The following RBFOX1 variants were observed in gnomAD, a reference collection of about 807,000 sequenced individuals.
RBFOX1 encodes the protein RNA binding fox-1 homolog 1.
RBFOX1 carries 8 observed loss-of-function variants against 57.7 expected under a neutral mutation model. That is an observed-to-expected ratio of 0.14 (90% CI 0.08 to 0.25). RBFOX1 has a LOEUF of 0.25. Ranked by LOEUF, RBFOX1 falls within the 10% of genes least tolerant of loss-of-function variation. The pLI is 1.00. For missense variants in RBFOX1, 611 were observed against 548.5 expected (o/e 1.11, Z -1.14); for synonymous variants, 326 against 222.4 (o/e 1.47, Z -4.15).
At chr16:7,167,940 G>A (rs1181348727) in intron 4 of RBFOX1, among the ~76,000 whole-genome samples, 1 of 152,146 alleles carries the variant, frequency 6.6e-6, no homozygotes, top group East Asian at 1.9e-4. Context: ...TGCGGGGTAG[G>A]GGATGTTTGT....
chr16:6,217,827 G>T (rs1035398053), intron 1 of RBFOX1, among the ~76,000 whole-genome samples: 1 of 152,096 alleles, frequency 6.6e-6, no homozygotes, highest in Admixed American at 6.5e-5. Context: ...CCAGCCGGGC[G>T]AACATGGCAA....
chr16:6,826,042 T>G (rs2092090160), intron 3 of RBFOX1, among the ~76,000 whole-genome samples: 1 of 152,076 alleles, frequency 6.6e-6, no homozygotes, highest in South Asian at 2.1e-4. Context: ...TGTGCAGAGG[T>G]GGTCCACGTT....
chr16:6,901,776 G>A (rs75721465), intron 3 of RBFOX1, among the ~76,000 whole-genome samples: 3,650 of 152,222 alleles, frequency 0.024, 139 homozygotes, highest in East Asian at 0.12. Flanking sequence ...ACTCATAGAT[G>A]AGATGGATTG....
intron 4 of RBFOX1, among the ~76,000 whole-genome samples, chr16:7,402,630 A>G (rs1307510530): frequency 2.0e-5 from 3 of 152,164 alleles, no homozygotes; most frequent in East Asian, 1.9e-4. Context: ...GTGGCTTTCA[A>G]TGCTAAGTAT....
At chr16:7,273,252 T>TC (rs2095372612) in intron 4 of RBFOX1, among the ~76,000 whole-genome samples, 1 of 96,494 alleles carries the variant, frequency 1.0e-5, no homozygotes. Flanking sequence ...CTTCCTTCCT[T>TC]CCTTCCTTCC....
At chr16:7,606,600 G>T (rs189050441) in intron 9 of RBFOX1, among the ~76,000 whole-genome samples, 24 of 152,224 alleles carry the variant, frequency 1.6e-4, no homozygotes, top group Middle Eastern at 3.4e-3. Context: ...TTTCTAAAGG[G>T]TCAGGATTCA....
chr16:5,694,909 G>C (rs1180065145), intron 3 of RBFOX1, among the ~76,000 whole-genome samples: 1 of 151,850 alleles, frequency 6.6e-6, no homozygotes, highest in East Asian at 2.0e-4. Context: ...GAACAGTTTA[G>C]ATATAAGATG....
chr16:7,560,030 G>A (rs2089933528), intron 5 of RBFOX1, among the ~76,000 whole-genome samples: 1 of 152,210 alleles, frequency 6.6e-6, no homozygotes, highest in Non-Finnish European at 1.5e-5. Flanking sequence ...TATCTTGAGT[G>A]CATAGGAGTA....
chr16:7,075,901 A>G (rs963967252), intron 4 of RBFOX1, among the ~76,000 whole-genome samples: 2 of 151,634 alleles, frequency 1.3e-5, no homozygotes, highest in East Asian at 2.0e-4. Context: ...TTCAACATGT[A>G]AACAATTTCC....
chr16:6,855,586 G>C (rs910918451), intron 3 of RBFOX1, among the ~76,000 whole-genome samples: 2 of 150,702 alleles, frequency 1.3e-5, no homozygotes, highest in Non-Finnish European at 2.9e-5. Context: ...CCGAGAGGTG[G>C]AGCTTGCAGT....
At position 6,813,850 on chromosome 16, in the gene RBFOX1, G is replaced by C. The variant is rs573554929; in HGVS notation, c.-16+159200G>C. 1.4e-4 allele frequency among the ~76,000 whole-genome samples: 21 copies of C among 152,102 alleles called. No homozygotes were observed. The East Asian group carries it at 4.1e-3, about 30-fold the overall frequency. On this transcript the variant is annotated intron_variant, in intron 3 of 15. Transcript: ENST00000550418. ...GCTGTTGATACCCCCAACCCCTCTG[G>C]CTTCCATCTGAGCTCAGCCAGCCCC...
intron 2 of RBFOX1, among the ~76,000 whole-genome samples, chr16:6,447,250 G>A (rs779067277): frequency 2.0e-5 from 3 of 152,122 alleles, no homozygotes; most frequent in Non-Finnish European, 4.4e-5. Flanking sequence ...GAGTCTGCCA[G>A]AAAGGCCTAG....
intron 4 of RBFOX1, among the ~76,000 whole-genome samples, chr16:7,207,309 T>C (rs959086675): frequency 2.0e-5 from 3 of 152,228 alleles, no homozygotes; most frequent in Non-Finnish European, 2.9e-5. Context: ...TGGTGAGTCA[T>C]GCATGTTTCT....
chr16:5,838,809 A>G (rs1190720557), intron 3 of RBFOX1: 1 of 152,242 alleles, frequency 6.6e-6, no homozygotes, highest in Non-Finnish European at 1.5e-5. Context: ...TAGTTGTTAC[A>G]GTTAACGTGA....
intron 4 of RBFOX1, among the ~76,000 whole-genome samples, chr16:7,465,746 C>T (rs1039118409): frequency 6.6e-6 from 1 of 152,120 alleles, no homozygotes; most frequent in African/African-American, 2.4e-5. Flanking sequence ...CCTCTTCAAG[C>T]CGATGAATCA....
chr16:6,622,063 TTA>T (rs1210862577), intron 2 of RBFOX1, among the ~76,000 whole-genome samples: 1 of 152,164 alleles, frequency 6.6e-6, no homozygotes, highest in Non-Finnish European at 1.5e-5. Context: ...GAGTTGGTGT[TTA>T]TGTGGAAAGG....
intron 4 of RBFOX1, among the ~76,000 whole-genome samples, chr16:7,138,054 A>G (rs2072543450): frequency 6.6e-6 from 1 of 152,208 alleles, no homozygotes; most frequent in Non-Finnish European, 1.5e-5. Context: ...TTTAGTCACC[A>G]TCTTAAGAAT....
intron 1 of RBFOX1, among the ~76,000 whole-genome samples, chr16:5,242,755 A>G (rs1000800418): frequency 1.8e-4 from 28 of 152,092 alleles, no homozygotes; most frequent in African/African-American, 6.5e-4. Context: ...GATGCTTTTA[A>G]GGATAAAATG....
At chr16:5,515,811 A>G (rs1252585545) in intron 2 of RBFOX1, among the ~76,000 whole-genome samples, 1 of 152,210 alleles carries the variant, frequency 6.6e-6, no homozygotes, top group Admixed American at 6.5e-5. Flanking sequence ...AGAGGGCAGG[A>G]AATGATGCGT....
Sources: allele counts gnomAD v4.1 joint callset (sites outside exome capture counted in the v4.1 genomes callset), GRCh38; gene constraint gnomAD v4.1.1; transcripts MANE v1.5; gene names NCBI Gene and HGNC (gene_info 2026-07-23, HGNC 2026-07-21).